The following HIRA variants were observed in gnomAD, a reference collection of about 807,000 sequenced individuals.
HIRA encodes the protein protein HIRA.
HIRA carries 13 observed loss-of-function variants against 126.6 expected under a neutral mutation model. That is an observed-to-expected ratio of 0.10 (90% confidence interval 0.07 to 0.16). HIRA has a LOEUF of 0.16. Among genes scored for constraint, HIRA ranks in the 10% least tolerant of loss-of-function variants. The pLI is 1.00. For missense variants in HIRA, 834 were observed against 1,314.4 expected, an observed-to-expected ratio of 0.63 and a Z score of 5.65; for synonymous variants, 511 against 520.0, an observed-to-expected ratio of 0.98 and a Z score of 0.24.
intron 14 of HIRA, among the ~76,000 whole-genome samples, chr22:19,376,228 C>T (rs2089017573): frequency 6.6e-6 from 1 of 152,210 alleles, no homozygotes; most frequent in Non-Finnish European, 1.5e-5. Context: ...TGCTTTTACC[C>T]TTAGTCAGGC....
chr22:19,331,153 G>A lies in HIRA; in HGVS notation c.*287C>T, dbSNP rs2088480474. On this transcript the variant is annotated 3_prime_UTR_variant, in exon 25 of 25. Coordinates refer to ENST00000263208, the MANE Select transcript of HIRA (RefSeq NM_003325.4). ...CTTGGGGCCGTGCTGGAGACGGCAG[G>A]CCTGGGACTGCCTTGCTGGCCCCAG... 1 of 1,353,848 alleles carries A rather than the reference G, an allele frequency of 7.4e-7. No homozygotes were observed. Among genetic ancestry groups the A allele is most frequent in the Non-Finnish European group, 9.7e-7 (1 of 1,030,032 alleles). 83.9% of individuals were successfully genotyped at this position (1,353,848 alleles called of 1,614,324 possible). A position where few individuals can be genotyped will look rare whatever the true frequency, so the allele number is the denominator to read the frequency against.
intron 24 of HIRA, among the ~76,000 whole-genome samples, chr22:19,335,293 G>A (rs1414521330): frequency 6.6e-6 from 1 of 151,586 alleles, no homozygotes. Flanking sequence ...TGCCCAGGCT[G>A]GAGTGCAGTG....
At chr22:19,407,528 A>G (rs1024738639) in intron 3 of HIRA, among the ~76,000 whole-genome samples, 5 of 152,262 alleles carry the variant, frequency 3.3e-5, no homozygotes, top group African/African-American at 1.2e-4. Flanking sequence ...TGAATGACAT[A>G]GTCAATAGAA....
intron 1 of HIRA, among the ~76,000 whole-genome samples, chr22:19,425,770 G>A (rs1601865110): frequency 6.6e-6 from 1 of 152,290 alleles, no homozygotes; most frequent in Non-Finnish European, 1.5e-5. Context: ...GATCACCTGA[G>A]GTCAGGAGTT....
At chr22:19,353,273 C>T in intron 23 of HIRA, 83 bp downstream of exon 23, 6 of 1,546,436 alleles carry the variant, frequency 3.9e-6, no homozygotes, top group Non-Finnish European at 5.3e-6. Flanking sequence ...ACATCTTTTC[C>T]CTGATTTCAC....
chr22:19,364,492 GTC>G (rs1354657284), intron 15 of HIRA, among the ~76,000 whole-genome samples: 1 of 152,104 alleles, frequency 6.6e-6, no homozygotes, highest in African/African-American at 2.4e-5. Flanking sequence ...CTCATTTCGT[GTC>G]TCTGTGTCAC....
chr22:19,354,470 C>A (rs2088790814), intron 21 of HIRA, among the ~76,000 whole-genome samples: 1 of 152,226 alleles, frequency 6.6e-6, no homozygotes, highest in Non-Finnish European at 1.5e-5. Context: ...GGTCTGCCCA[C>A]AGGGCCACAT....
intron 2 of HIRA, among the ~76,000 whole-genome samples, chr22:19,410,075 G>A (rs1468518122): frequency 1.3e-5 from 2 of 152,244 alleles, no homozygotes; most frequent in Non-Finnish European, 2.9e-5. Context: ...AGATGACAGA[G>A]GGCTGGGCTC....
chr22:19,404,239 T>C (rs2089291342), intron 5 of HIRA, among the ~76,000 whole-genome samples: 1 of 152,200 alleles, frequency 6.6e-6, no homozygotes, highest in African/African-American at 2.4e-5. Context: ...CCAGGACCAG[T>C]GAGTAATGAG....
chr22:19,368,054 C>T (rs371790467), intron 15 of HIRA, among the ~76,000 whole-genome samples: 7 of 152,264 alleles, frequency 4.6e-5, no homozygotes, highest in African/African-American at 1.7e-4. Context: ...GATCTTATTT[C>T]CTCAAGGAGT....
chr22:19,424,673 C>A (rs1433599768), intron 1 of HIRA, among the ~76,000 whole-genome samples: 5 of 152,172 alleles, frequency 3.3e-5, no homozygotes, highest in African/African-American at 1.2e-4. Context: ...TAAGTCTGGG[C>A]TTGGGCTGGA....
chr22:19,419,392 G>A (rs533989275), intron 1 of HIRA, among the ~76,000 whole-genome samples: 3 of 152,178 alleles, frequency 2.0e-5, no homozygotes, highest in East Asian at 3.9e-4. Context: ...TACCAGGTGC[G>A]CTCCTATCTT....
chr22:19,364,745 A>C (rs1170262994), intron 15 of HIRA, among the ~76,000 whole-genome samples: 1 of 152,182 alleles, frequency 6.6e-6, no homozygotes, highest in Non-Finnish European at 1.5e-5. Flanking sequence ...AGACAAAACA[A>C]TATTGAAATT....
intron 11 of HIRA, among the ~76,000 whole-genome samples, chr22:19,386,561 T>G (rs1356979019): frequency 6.6e-6 from 1 of 152,258 alleles, no homozygotes; most frequent in African/African-American, 2.4e-5. Context: ...AGGGCTTGAA[T>G]GTGGCCAGGA....
rs1221254749 is a variant in HIRA, at chr22:19,392,150, G to C, written c.887C>G (p.Pro296Arg). The change falls in exon 9 of 25, where the codon CCG becomes CGG. Residue 296 changes from proline (P) to arginine (R), a missense_variant. Around this residue, in one of 5 missense-constraint regions of HIRA, gnomAD observed 153 missense variants for 270.6 expected, o/e 0.57. Coordinates refer to ENST00000263208, the MANE Select transcript of HIRA (RefSeq NM_003325.4). ...KNGSSAKPSC[P>R]YCCCAVGSKD... ...GCTGCCAACAGCACAGCAGCAGTAC[G>C]GGCAGCTAGGCTTCGCAGAACTCCC... 5 of 1,608,386 alleles carry C rather than the reference G, an allele frequency of 3.1e-6. No homozygotes were observed. The highest frequency in any genetic ancestry group is 4.3e-6 in the Non-Finnish European group (5 of 1,175,382).
chr22:19,355,683 G>T, intron 21 of HIRA, 77 bp downstream of exon 21: 1 of 1,070,598 alleles, frequency 9.3e-7, no homozygotes, highest in Non-Finnish European at 1.4e-6. Flanking sequence ...AGCCCTGTAG[G>T]CCACGACCCT....
Position 19,420,425 on chromosome 22 carries a change from C to T in HIRA, c.38-9647G>A, listed in dbSNP as rs146913229. 3.8e-3 allele frequency among the ~76,000 whole-genome samples: 503 copies of T among 132,448 alleles called. 4 individuals carry two copies. Among genetic ancestry groups the T allele is most frequent in the Middle Eastern group, 0.017 (4 of 240 alleles). 86.9% of individuals were successfully genotyped at this position (132,448 alleles called of 152,430 possible). A position where few individuals can be genotyped will look rare whatever the true frequency, so the allele number is the denominator to read the frequency against. On this transcript the variant is annotated intron_variant, in intron 1 of 24. Coordinates refer to ENST00000263208, the MANE Select transcript of HIRA (RefSeq NM_003325.4). ...AGGCTGCAGTGAGCCGTGATCACGC[C>T]ACTGCACTGCAGCCTGGGCAACAAA...
intron 1 of HIRA, among the ~76,000 whole-genome samples, chr22:19,425,268 A>G (rs1243108968): frequency 6.6e-6 from 1 of 152,196 alleles, no homozygotes; most frequent in African/African-American, 2.4e-5. Context: ...ACTCACTTCT[A>G]GGTGTTGTTG....
chr22:19,361,470 G>C, intron 16 of HIRA, 129 bp from the exon 17 acceptor site: 1 of 812,962 alleles, frequency 1.2e-6, no homozygotes, highest in Non-Finnish European at 2.0e-6. Flanking sequence ...GGAGGAAGCA[G>C]AGGGGAATGC....
Sources: allele counts gnomAD v4.1 joint callset (sites outside exome capture counted in the v4.1 genomes callset), GRCh38; gene constraint gnomAD v4.1.1; regional missense constraint gnomAD v4.1.1; transcripts MANE v1.5; gene names NCBI Gene and HGNC (gene_info 2026-07-23, HGNC 2026-07-21).